The following FBXL17 variants were observed in gnomAD, a reference collection of about 807,000 sequenced individuals.
FBXL17 encodes the protein F-box/LRR-repeat protein 17.
FBXL17 carries 22 observed loss-of-function variants against 66.2 expected under a neutral mutation model. That is an observed-to-expected ratio of 0.33 (90% CI 0.24 to 0.47). The LOEUF (loss-of-function observed/expected upper bound fraction) is 0.47, where lower values mean the gene tolerates loss of function less well. Ranked by LOEUF, FBXL17 falls within the 20% of genes least tolerant of loss-of-function variation. The pLI is 1.00. For missense variants in FBXL17, 878 were observed against 948.2 expected (o/e 0.93, Z 0.97); for synonymous variants, 474 against 400.5 (o/e 1.18, Z -2.19).
intron 8 of FBXL17, among the ~76,000 whole-genome samples, chr5:107,875,137 T>C (rs867452706): frequency 2.0e-5 from 3 of 151,686 alleles, no homozygotes; most frequent in Non-Finnish European, 4.4e-5. Flanking sequence ...TTTTCTTTGA[T>C]ATGGCATCAA....
At chr5:108,008,008 T>C (rs1348362483) in intron 7 of FBXL17, among the ~76,000 whole-genome samples, 1 of 152,118 alleles carries the variant, frequency 6.6e-6, no homozygotes, top group African/African-American at 2.4e-5. Context: ...CAAAATATTG[T>C]GGAAATAAAA....
At chr5:108,165,740 G>T (rs781573892) in intron 6 of FBXL17, among the ~76,000 whole-genome samples, 10 of 152,140 alleles carry the variant, frequency 6.6e-5, no homozygotes, top group Non-Finnish European at 8.8e-5. Flanking sequence ...ACAATTCTGA[G>T]TGTCTGTGGT....
At chr5:108,332,391 T>A (rs1760165094) in intron 4 of FBXL17, among the ~76,000 whole-genome samples, 1 of 152,150 alleles carries the variant, frequency 6.6e-6, no homozygotes, top group Non-Finnish European at 1.5e-5. Flanking sequence ...CTTACAGAAA[T>A]TCACTTTTTA....
chr5:108,072,615 G>C (rs1231661128), intron 6 of FBXL17, among the ~76,000 whole-genome samples: 1 of 152,224 alleles, frequency 6.6e-6, no homozygotes, highest in Non-Finnish European at 1.5e-5. Context: ...GGTTGAGGCA[G>C]GAGAAGGGCG....
At chr5:108,045,284 T>A (rs1445399286) in intron 6 of FBXL17, among the ~76,000 whole-genome samples, 1 of 151,760 alleles carries the variant, frequency 6.6e-6, no homozygotes, top group Non-Finnish European at 1.5e-5. Context: ...TACAAAAAAA[T>A]ACAAAAAATT....
At chr5:107,894,471 A>G (rs974499272) in intron 7 of FBXL17, among the ~76,000 whole-genome samples, 1 of 152,152 alleles carries the variant, frequency 6.6e-6, no homozygotes, top group Non-Finnish European at 1.5e-5. Flanking sequence ...TTTTCTCACA[A>G]CAAACCCTCA....
chr5:108,117,857 T>A (rs188954090), intron 6 of FBXL17, among the ~76,000 whole-genome samples: 145 of 152,300 alleles, frequency 9.5e-4, no homozygotes, highest in Middle Eastern at 6.8e-3. Context: ...CTTATTAACA[T>A]CTTGCAGAAC....
At chr5:108,130,936 T>C (rs1263341279) in intron 6 of FBXL17, among the ~76,000 whole-genome samples, 2 of 152,130 alleles carry the variant, frequency 1.3e-5, no homozygotes, top group African/African-American at 2.4e-5. Flanking sequence ...ATAGAATAAG[T>C]AATTTTTTTC....
intron 7 of FBXL17, among the ~76,000 whole-genome samples, chr5:107,998,149 T>G (rs1361133310): frequency 6.6e-6 from 1 of 152,244 alleles, no homozygotes; most frequent in Non-Finnish European, 1.5e-5. Context: ...CATGCTGGAA[T>G]AATAATACTT....
intron 7 of FBXL17, among the ~76,000 whole-genome samples, chr5:107,897,909 A>AAAAG (rs140620990): frequency 0.28 from 42,290 of 150,960 alleles, 6,243 homozygotes; most frequent in African/African-American, 0.34. Flanking sequence ...GATATGATAA[A>AAAAG]AAAGAAAGAA....
chr5:107,976,668 A>G (rs1897803), intron 7 of FBXL17, among the ~76,000 whole-genome samples: 42,783 of 152,086 alleles, frequency 0.28, 6,147 homozygotes, highest in African/African-American at 0.31. Flanking sequence ...AAAGGAACAC[A>G]TTTCATTTTT....
intron 6 of FBXL17, among the ~76,000 whole-genome samples, chr5:108,177,293 T>C (rs1391599066): frequency 6.6e-6 from 1 of 152,178 alleles, no homozygotes; most frequent in African/African-American, 2.4e-5. Context: ...ATGAAGAGTA[T>C]TTACAAATGG....
intron 7 of FBXL17, among the ~76,000 whole-genome samples, chr5:107,967,169 TTC>T (rs1199155486): frequency 2.0e-5 from 3 of 152,202 alleles, no homozygotes; most frequent in Admixed American, 6.6e-5. Context: ...CAATTTTTTT[TTC>T]TTTTTTTGTA....
chr5:108,229,597 C>G (rs1302311791), intron 4 of FBXL17, among the ~76,000 whole-genome samples: 1 of 152,114 alleles, frequency 6.6e-6, no homozygotes, highest in African/African-American at 2.4e-5. Flanking sequence ...AATCTAAGAC[C>G]TGAAACTATA....
At position 108,380,904 on chromosome 5, in the gene FBXL17, G is replaced by C. The variant is rs978871791; in HGVS notation, c.788C>G (p.Ser263Cys). Residue 263 changes from serine (S) to cysteine (C), a missense_variant, in exon 1 of 9, where the codon TCT becomes TGT. Physicochemically the swap from Ser to Cys is moderately radical, Grantham distance 112. Transcript: ENST00000542267. ...QPPQPLCPPPSSPTSEGAPTE... is the reference protein window; with the variant it reads ...QPPQPLCPPPCSPTSEGAPTE... ...GGGGGCACCTTCGGAGGTGGGAGAA[G>C]AGGGCGGAGGGCAGAGCGGCTGCGG... 1.9e-4 allele frequency: 240 copies of C among 1,231,202 alleles called. 1 individual carries two copies. The Middle Eastern group carries it at 2.3e-3, about 12-fold the overall frequency. 76.3% of individuals were successfully genotyped at this position (1,231,202 alleles called of 1,614,324 possible). A position where few individuals can be genotyped will look rare whatever the true frequency, so the allele number is the denominator to read the frequency against.
intron 7 of FBXL17, among the ~76,000 whole-genome samples, chr5:107,992,798 T>C (rs568835521): frequency 3.3e-5 from 5 of 152,204 alleles, no homozygotes; most frequent in African/African-American, 7.2e-5. Context: ...CACTGACTGA[T>C]TGTTTTACAG....
At chr5:108,136,137 T>C (rs547465816) in intron 6 of FBXL17, among the ~76,000 whole-genome samples, 137 of 152,250 alleles carry the variant, frequency 9.0e-4, no homozygotes, top group African/African-American at 3.1e-3. Context: ...GCTGTTTATA[T>C]GTAAAAGAAA....
chr5:107,880,380 C>T (rs1438999186), intron 8 of FBXL17: 3 of 985,868 alleles, frequency 3.0e-6, no homozygotes, highest in Non-Finnish European at 2.4e-6. Context: ...TTTTTATTAT[C>T]TGTTTTCTCA....
intron 7 of FBXL17, among the ~76,000 whole-genome samples, chr5:107,994,598 G>T (rs1345672232): frequency 1.3e-5 from 2 of 152,168 alleles, no homozygotes; most frequent in African/African-American, 4.8e-5. Context: ...CCAGCACTTT[G>T]GGAGGCTGAG....
Sources: allele counts gnomAD v4.1 joint callset (sites outside exome capture counted in the v4.1 genomes callset), GRCh38; gene constraint gnomAD v4.1.1; transcripts MANE v1.5; gene names NCBI Gene and HGNC (gene_info 2026-07-23, HGNC 2026-07-21).